Variants in CDH12 observed in about 807,000 individuals in gnomAD.
CDH12 encodes the protein cadherin-12.
In CDH12, 41 loss-of-function variants were observed where a neutral mutation model predicts 74.1. That is an observed-to-expected ratio of 0.55 (90% CI 0.43 to 0.72). The LOEUF is 0.72. Ranked by LOEUF, CDH12 falls within the 30% of genes least tolerant of loss-of-function variation. The pLI is 0.00. For synonymous variants in CDH12, 399 were observed against 355.0 expected (o/e 1.12, Z -1.39); for missense variants, 945 against 977.2 (o/e 0.97, Z 0.44).
chr5:22,795,369 C>A (rs188658789), intron 1 of CDH12, among the ~76,000 whole-genome samples: 36 of 152,018 alleles, frequency 2.4e-4, no homozygotes, highest in Middle Eastern at 3.4e-3. Flanking sequence ...AATGAAAGAA[C>A]CTTCTTCAGC....
chr5:22,099,700 G>T (rs531028252), intron 4 of CDH12, among the ~76,000 whole-genome samples: 1 of 152,070 alleles, frequency 6.6e-6, no homozygotes, highest in Non-Finnish European at 1.5e-5. Flanking sequence ...ATATCTCCTG[G>T]TGCTACCCCC....
intron 2 of CDH12, among the ~76,000 whole-genome samples, chr5:22,423,288 G>A (rs1743736768): frequency 6.6e-6 from 1 of 151,182 alleles, no homozygotes; most frequent in Admixed American, 6.6e-5. Context: ...AAGGACCTAT[G>A]GCATACCAGC....
chr5:22,541,333 T>G (rs1228346553), intron 1 of CDH12, among the ~76,000 whole-genome samples: 1 of 152,178 alleles, frequency 6.6e-6, no homozygotes, highest in African/African-American at 2.4e-5. Flanking sequence ...GCACATGAAG[T>G]GTGAGATGAA....
intron 1 of CDH12, among the ~76,000 whole-genome samples, chr5:22,713,373 C>T (rs910971336): frequency 1.3e-5 from 2 of 151,796 alleles, no homozygotes; most frequent in Non-Finnish European, 2.9e-5. Context: ...AATCTCTTGA[C>T]CTCATGATCT....
intron 3 of CDH12, among the ~76,000 whole-genome samples, chr5:22,324,426 C>T (rs899347267): frequency 3.3e-5 from 5 of 151,598 alleles, no homozygotes; most frequent in Admixed American, 2.0e-4. Flanking sequence ...AGGAGGTGAC[C>T]GTGTTAACCC....
Position 22,475,120 on chromosome 5 carries a change from C to A in CDH12, c.-428+30150G>T, listed in dbSNP as rs182228779. On this transcript the variant is annotated intron_variant, in intron 2 of 14. Coordinates refer to ENST00000382254, the MANE Select transcript of CDH12 (RefSeq NM_004061.5). ...CATCCCCTCTTGGCAAGAGGTGGAA[C>A]CAGGGAACATTCTGAGCAGGGAAGA... 2.9e-3 allele frequency among the ~76,000 whole-genome samples: 435 copies of A among 150,520 alleles called. 5 individuals are homozygous for A. In the Middle Eastern group the frequency reaches 0.041, roughly 14 times the overall value.
intron 1 of CDH12, among the ~76,000 whole-genome samples, chr5:22,826,118 T>A (rs761236274): frequency 2.6e-5 from 4 of 152,172 alleles, no homozygotes; most frequent in Non-Finnish European, 5.9e-5. Context: ...GCCATAATTC[T>A]CATGTATTGT....
chr5:22,516,983 T>C (rs1049852997), intron 1 of CDH12, among the ~76,000 whole-genome samples: 1 of 152,084 alleles, frequency 6.6e-6, no homozygotes, highest in Non-Finnish European at 1.5e-5. Context: ...TTAATCAGAT[T>C]ACAAAAAGCT....
Position 21,857,725 on chromosome 5 carries a change from G to A in CDH12, c.527-2935C>T, listed in dbSNP as rs1414392368. 2.0e-5 allele frequency among the ~76,000 whole-genome samples: 3 copies of A among 151,926 alleles called. No homozygotes were observed. The East Asian group carries it at 5.8e-4, about 29-fold the overall frequency. On this transcript the variant is annotated intron_variant, in intron 6 of 14. Coordinates refer to ENST00000382254, the MANE Select transcript of CDH12 (RefSeq NM_004061.5). ...TGATCACTAACATTTAAATGACTAT[G>A]AGTTAGAATTCACATGAGATCCGAT... is the stretch of plus-strand genomic sequence containing the variant.
At chr5:22,155,318 G>A (rs1053952499) in intron 4 of CDH12, among the ~76,000 whole-genome samples, 32 of 152,146 alleles carry the variant, frequency 2.1e-4, no homozygotes, top group Non-Finnish European at 2.9e-4. Context: ...GTAGTCTTTG[G>A]GGCCAACTTA....
intron 3 of CDH12, among the ~76,000 whole-genome samples, chr5:22,313,612 T>C (rs997863539): frequency 6.6e-6 from 1 of 152,130 alleles, no homozygotes; most frequent in African/African-American, 2.4e-5. Flanking sequence ...ATAAAGAAAA[T>C]GTGATATATA....
At position 22,116,775 on chromosome 5, in the gene CDH12, T is replaced by C. The variant is rs192350097; in HGVS notation, c.-186-37913A>G. Among the ~76,000 whole-genome samples, 394 of 152,016 alleles carry C rather than the reference T, an allele frequency of 2.6e-3. 5 individuals are homozygous for C. Among genetic ancestry groups the C allele is most frequent in the African/African-American group, 9.0e-3 (372 of 41,460 alleles). On this transcript the variant is annotated intron_variant, in intron 4 of 14. Coordinates refer to ENST00000382254, the MANE Select transcript of CDH12 (RefSeq NM_004061.5). Reference sequence around the variant, plus strand: ...ATAAATGGTGTTTTAAGCCACTACATTGGTGATCACCTGTTACAACAACAA... The same window carrying C: ...ATAAATGGTGTTTTAAGCCACTACACTGGTGATCACCTGTTACAACAACAA...
rs529750507 is a variant in CDH12, at chr5:22,046,694, A to G, written c.231+31752T>C. ...ACATGGTTGAAAGATGTTAACTGCC[A>G]TAAAGTGGGACATTTTTACACTACA... On this transcript the variant is annotated intron_variant, in intron 5 of 14. Transcript: ENST00000382254. Among the ~76,000 whole-genome samples the G allele has an allele frequency of 8.5e-5, 13 of 152,306 alleles. 1 individual carries two copies. In the South Asian group the frequency reaches 2.5e-3, roughly 29 times the overall value.
intron 4 of CDH12, among the ~76,000 whole-genome samples, chr5:22,200,710 TG>T (rs566184275): frequency 1.4e-3 from 218 of 152,326 alleles, no homozygotes; most frequent in Non-Finnish European, 2.5e-3. Context: ...CAGAATGTCA[TG>T]AATTTAATTG....
At chr5:22,361,017 CAA>C (rs1374517160) in intron 3 of CDH12, among the ~76,000 whole-genome samples, 1 of 152,104 alleles carries the variant, frequency 6.6e-6, no homozygotes, top group Non-Finnish European at 1.5e-5. Flanking sequence ...TAAAAACTGG[CAA>C]AAGACAGGGA....
At chr5:22,496,022 A>G (rs1747093566) in intron 2 of CDH12, among the ~76,000 whole-genome samples, 1 of 152,224 alleles carries the variant, frequency 6.6e-6, no homozygotes, top group Admixed American at 6.5e-5. Flanking sequence ...CATAATCCTT[A>G]TAAACAACCC....
chr5:22,612,142 A>T (rs1737436445), intron 1 of CDH12, among the ~76,000 whole-genome samples: 1 of 152,154 alleles, frequency 6.6e-6, no homozygotes. Context: ...CCATGTTTTT[A>T]TAAATGATCT....
intron 1 of CDH12, among the ~76,000 whole-genome samples, chr5:22,719,547 G>T (rs1376229919): frequency 6.6e-6 from 1 of 152,122 alleles, no homozygotes; most frequent in Non-Finnish European, 1.5e-5. Flanking sequence ...CAGGTGCATG[G>T]TTCAGAGAAT....
intron 4 of CDH12, among the ~76,000 whole-genome samples, chr5:22,137,757 G>A: frequency 6.6e-6 from 1 of 152,020 alleles, no homozygotes; most frequent in Non-Finnish European, 1.5e-5. Flanking sequence ...ACAGGCACAA[G>A]GGCGCCATAA....
Sources: allele counts gnomAD v4.1 joint callset (sites outside exome capture counted in the v4.1 genomes callset), GRCh38; gene constraint gnomAD v4.1.1; transcripts MANE v1.5; gene names NCBI Gene and HGNC (gene_info 2026-07-23, HGNC 2026-07-21).